The following SENP6 variants were observed in gnomAD, a reference collection of about 807,000 sequenced individuals.
The protein encoded by SENP6 is SUMO specific peptidase 6, also known as sentrin-specific protease 6.
SENP6 carries 41 observed loss-of-function variants against 134.5 expected under a neutral mutation model. That is an observed-to-expected ratio of 0.30 (90% CI 0.24 to 0.40). The LOEUF is 0.40. SENP6 is among the 10% of genes least tolerant of loss of function. The pLI, the probability that SENP6 is intolerant of heterozygous loss-of-function variation, is 1.00. For synonymous variants in SENP6, 395 were observed against 429.8 expected (o/e 0.92, Z 1.00); for missense variants, 1,248 against 1,312.5 (o/e 0.95, Z 0.76).
At chr6:75,687,233 G>T (rs1773910334) in intron 16 of SENP6, among the ~76,000 whole-genome samples, 1 of 152,102 alleles carries the variant, frequency 6.6e-6, no homozygotes, top group Non-Finnish European at 1.5e-5. Context: ...TTGTGCAATG[G>T]TTATCAGCTC....
intron 3 of SENP6, among the ~76,000 whole-genome samples, 171 bp from the exon 4 acceptor site, chr6:75,633,410 T>C (rs1769258022): frequency 1.3e-5 from 2 of 151,936 alleles, no homozygotes; most frequent in African/African-American, 2.4e-5. Flanking sequence ...GCATTGTCTT[T>C]AGGAAAAAAA....
intron 4 of SENP6, among the ~76,000 whole-genome samples, chr6:75,634,345 C>T (rs955942264): frequency 3.9e-5 from 6 of 152,274 alleles, no homozygotes; most frequent in Non-Finnish European, 7.4e-5. Context: ...CTCCCGGGTT[C>T]AAGTGATTCT....
rs1217739774 is a variant in SENP6 at position 75,702,906 on chromosome 6, T to C, written c.2550T>C (p.Tyr850=). 9 of 1,613,956 alleles carry C rather than the reference T, an allele frequency of 5.6e-6. No individual in the cohort carries two copies. The highest frequency in any genetic ancestry group is 7.6e-6 in the Non-Finnish European group (9 of 1,179,996). The part of the protein sequence containing the change: ...NPGQEESDPR[Y]KRNICSVKYS... ...GGCAGGAAGAAAGTGACCCTCGTTA[T>C]AAGAGAAACATATGCAGTGTAAAAT... Residue 850 remains tyrosine (Y), a synonymous_variant, in exon 19 of 24, where the codon TAT becomes TAC. Coordinates refer to ENST00000447266, the MANE Select transcript of SENP6 (RefSeq NM_015571.4).
intron 11 of SENP6, among the ~76,000 whole-genome samples, chr6:75,672,118 G>A (rs1301936844): frequency 1.3e-5 from 2 of 152,110 alleles, no homozygotes; most frequent in African/African-American, 4.8e-5. Context: ...CCCTCATACT[G>A]CAGACTGTCT....
intron 5 of SENP6, among the ~76,000 whole-genome samples, chr6:75,638,602 ATATATATATATATATATATATTTTTT>A (rs1769739639): frequency 1.2e-4 from 5 of 40,058 alleles, no homozygotes; most frequent in African/African-American, 4.9e-4. Context: ...ATATATATAT[ATATATATATATATATATATATTTTTT>A]TTTTTTTTTT....
chr6:75,621,909 T>C (rs2149829298), intron 2 of SENP6, among the ~76,000 whole-genome samples: 1 of 152,282 alleles, frequency 6.6e-6, no homozygotes, highest in South Asian at 2.1e-4. Flanking sequence ...AGGAAATTGT[T>C]TTTTGTTTTT....
At chr6:75,685,348 A>AT (rs542205736) in intron 16 of SENP6, among the ~76,000 whole-genome samples, 2,592 of 151,612 alleles carry the variant, frequency 0.017, 74 homozygotes, top group African/African-American at 0.06. Flanking sequence ...GGATTCATTG[A>AT]TTTTTTTTGA....
At chr6:75,686,088 G>T (rs1172794596) in intron 16 of SENP6, among the ~76,000 whole-genome samples, 1 of 152,144 alleles carries the variant, frequency 6.6e-6, no homozygotes, top group Admixed American at 6.5e-5. Context: ...CCTGTATTGG[G>T]TGCATATATA....
In SENP6 at chr6:75,666,002, G is replaced by A. The variant is rs191281621; in HGVS notation, c.995-710G>A. ...GATCGCGCACTGTACTCCAGCCTGGGTGACAGAATGAGATTCCATCTCAAA... is the reference window on the plus strand; with the variant it reads ...GATCGCGCACTGTACTCCAGCCTGGATGACAGAATGAGATTCCATCTCAAA... On this transcript the variant is annotated intron_variant, in intron 9 of 23. Coordinates refer to ENST00000447266, the MANE Select transcript of SENP6 (RefSeq NM_015571.4). 1.9e-4 allele frequency among the ~76,000 whole-genome samples: 29 copies of A among 149,944 alleles called. 1 individual carries two copies. Among genetic ancestry groups the A allele is most frequent in the African/African-American group, 5.9e-4 (24 of 40,898 alleles).
intron 6 of SENP6, among the ~76,000 whole-genome samples, chr6:75,644,891 T>C (rs1256311238): frequency 6.6e-6 from 1 of 152,246 alleles, no homozygotes; most frequent in African/African-American, 2.4e-5. Flanking sequence ...GTAAGAGATA[T>C]AAGGGTATTC....
In SENP6 at chr6:75,677,189, C is replaced by A; in HGVS notation, c.1781C>A (p.Ala594Asp). The change falls in exon 14 of 24, where the codon GCC (alanine) becomes GAC (aspartate). Residue 594 changes from alanine (A) to aspartate (D), a missense_variant. Physicochemically the swap from Ala to Asp is moderately radical, Grantham distance 126. Transcript: ENST00000447266. ...PFEEANGRLV[A>D]CTRTYEESIK... Reference sequence around the variant, plus strand: ...GAAGAAGCTAATGGCAGACTTGTTGCCTGTACAAGAACCTATGAAGAGAGC... The same window carrying A: ...GAAGAAGCTAATGGCAGACTTGTTGACTGTACAAGAACCTATGAAGAGAGC... The A allele has an allele frequency of 1.9e-6, 3 of 1,612,260 alleles. No homozygotes were observed. The highest frequency in any genetic ancestry group is 2.5e-6 in the Non-Finnish European group (3 of 1,179,060).
At position 75,699,354 on chromosome 6, in the gene SENP6, CTTTT is replaced by C. The variant is rs71544060; in HGVS notation, c.2288+1854_2288+1857del. On this transcript the variant is annotated intron_variant, in intron 18 of 23. Transcript: ENST00000447266. ...TCAAGAGAGCTTGTTTTTGTTTTTG[CTTTT>C]TTTTTTTTTTTTTTTTGAAGAGACA... 3.8e-3 allele frequency among the ~76,000 whole-genome samples: 435 copies of C among 115,024 alleles called. 3 individuals carry two copies. The highest frequency in any genetic ancestry group is 6.0e-3 in the Middle Eastern group (1 of 168). 75.5% of individuals were successfully genotyped at this position (115,024 alleles called of 152,430 possible). A position where few individuals can be genotyped will look rare whatever the true frequency, so the allele number is the denominator to read the frequency against.
intron 9 of SENP6, among the ~76,000 whole-genome samples, chr6:75,665,357 A>C (rs1772122065): frequency 1.3e-5 from 2 of 152,152 alleles, no homozygotes; most frequent in Admixed American, 1.3e-4. Context: ...GGGAAGTAGA[A>C]TTCAGGCAGG....
rs2149912071 is a variant in SENP6, at chr6:75,718,054, A to G, written c.*2460A>G. On this transcript the variant is annotated 3_prime_UTR_variant, in exon 24 of 24. Transcript: ENST00000447266. Reference sequence around the variant, plus strand: ...TAACTTGTGCTTAAACTTTTAGTCAATTAAATGTAGGAGGTTTTATTTGAA... The same window carrying G: ...TAACTTGTGCTTAAACTTTTAGTCAGTTAAATGTAGGAGGTTTTATTTGAA... The G allele has an allele frequency of 6.6e-6, 1 of 152,310 alleles. No homozygotes were observed. The highest frequency in any genetic ancestry group is 3.4e-3 in the Middle Eastern group (1 of 294). 9.4% of individuals were successfully genotyped at this position (152,310 alleles called of 1,614,324 possible).
At chr6:75,663,637 A>G in intron 9 of SENP6, 119 bp downstream of exon 9, 1 of 757,992 alleles carries the variant, frequency 1.3e-6, no homozygotes, top group Non-Finnish European at 2.0e-6. Context: ...GCTTAAAACT[A>G]ATCTTGTTCT....
At chr6:75,680,102 A>G (rs946622273) in intron 16 of SENP6, among the ~76,000 whole-genome samples, 19 of 152,342 alleles carry the variant, frequency 1.2e-4, no homozygotes, top group African/African-American at 4.3e-4. Context: ...AGTTGAAATG[A>G]TGAGACATTT....
intron 16 of SENP6, among the ~76,000 whole-genome samples, chr6:75,692,827 G>T (rs546953344): frequency 6.6e-6 from 1 of 151,188 alleles, no homozygotes; most frequent in African/African-American, 2.4e-5. Flanking sequence ...CACTTGGGAC[G>T]CCAAGGCAAG....
intron 9 of SENP6, among the ~76,000 whole-genome samples, chr6:75,664,921 C>T (rs77731023): frequency 0.019 from 2,822 of 152,198 alleles, 39 homozygotes; most frequent in Non-Finnish European, 0.031. Context: ...AGTGAACATC[C>T]GCAACAAGGA....
At chr6:75,611,334 TCA>T (rs1448517053) in intron 1 of SENP6, 1 of 152,196 alleles carries the variant, frequency 6.6e-6, no homozygotes, top group East Asian at 1.9e-4. Flanking sequence ...ATTTAGTAAA[TCA>T]TAATAGCAGT....
Sources: allele counts gnomAD v4.1 joint callset (sites outside exome capture counted in the v4.1 genomes callset), GRCh38; gene constraint gnomAD v4.1.1; transcripts MANE v1.5; gene names NCBI Gene and HGNC (gene_info 2026-07-23, HGNC 2026-07-21).